PLA2R1: variants seen among roughly 807,000 people sequenced by gnomAD.
PLA2R1 encodes the protein phospholipase A2 receptor 1, also known as secretory phospholipase A2 receptor.
Under a neutral mutation model 195.9 loss-of-function variants are expected in PLA2R1, and 158 were observed. That is an observed-to-expected ratio of 0.81 (90% CI 0.71 to 0.92). PLA2R1 has a LOEUF of 0.92. Among genes scored for constraint, PLA2R1 ranks in the 40% least tolerant of loss-of-function variants. The pLI, the probability that PLA2R1 is intolerant of heterozygous loss-of-function variation, is 0.00. For missense variants in PLA2R1, 1,626 were observed against 1,764.6 expected, an observed-to-expected ratio of 0.92 and a Z score of 1.41; for synonymous variants, 586 against 598.2, an observed-to-expected ratio of 0.98 and a Z score of 0.30.
intron 1 of PLA2R1, among the ~76,000 whole-genome samples, chr2:160,059,263 C>A (rs151175443): frequency 0.01 from 1,530 of 152,298 alleles, 25 homozygotes; most frequent in African/African-American, 0.035. Flanking sequence ...TAACAGGCCA[C>A]AAACTGGTAG....
intron 11 of PLA2R1, 45 bp from the exon 12 acceptor site, chr2:159,987,403 G>T: frequency 7.2e-7 from 1 of 1,396,854 alleles, no homozygotes; most frequent in Non-Finnish European, 1.0e-6. Flanking sequence ...CGACTAAAAC[G>T]TTTTGTGCTC....
intron 12 of PLA2R1, 97 bp downstream of exon 12, chr2:159,987,057 GAA>G: frequency 4.7e-6 from 4 of 847,310 alleles, no homozygotes; most frequent in Non-Finnish European, 7.7e-6. Context: ...CACTGTTCTG[GAA>G]AAAAAAAGGG....
chr2:159,927,092 G>A (rs769458295), downstream of PLA2R1, among the ~76,000 whole-genome samples: 1 of 152,216 alleles, frequency 6.6e-6, no homozygotes, highest in South Asian at 2.1e-4. Flanking sequence ...GGGTAAAGAA[G>A]GGTGGAGTGT....
intron 6 of PLA2R1, among the ~76,000 whole-genome samples, chr2:160,023,713 T>C (rs1386574233): frequency 6.6e-6 from 1 of 152,198 alleles, no homozygotes; most frequent in Non-Finnish European, 1.5e-5. Flanking sequence ...AATTCTTTCT[T>C]GGGGTTTGGA....
rs1239748080 is a variant in PLA2R1, at chr2:160,033,131, G to A, written c.669C>T (p.Thr223=). 3 of 1,604,456 alleles carry A rather than the reference G, an allele frequency of 1.9e-6. No homozygotes were observed. The highest frequency in any genetic ancestry group is 1.7e-5 in the Admixed American group (1 of 57,654). The stretch of plus-strand genomic sequence containing the variant: ...TAGTATCACAACCTACTTCTGCAGA[G>A]GCTGGAAACAATGGCCATTAAAAAC... The part of the protein sequence containing the change: ...DEKWGFCPDP[T]SAEVGCDTIW... Residue 223 remains threonine (T), a splice_region_variant and synonymous_variant, in exon 4 of 30, where the codon ACC becomes ACT. Transcript: ENST00000283243.
chr2:160,052,964 A>G (rs896687880), intron 1 of PLA2R1, among the ~76,000 whole-genome samples: 2 of 152,248 alleles, frequency 1.3e-5, no homozygotes, highest in Non-Finnish European at 1.5e-5. Flanking sequence ...TTAGTGGTAG[A>G]TAGAGTGTTA....
At chr2:159,949,905 A>G (rs1687634245) in intron 24 of PLA2R1, 129 bp from the exon 25 acceptor site, 2 of 669,938 alleles carry the variant, frequency 3.0e-6, no homozygotes, top group Admixed American at 5.2e-5. Flanking sequence ...AGGGGCTAGG[A>G]CATCTGTGAA....
intron 8 of PLA2R1, 77 bp downstream of exon 8, chr2:160,020,029 A>C: frequency 1.8e-6 from 2 of 1,110,208 alleles, no homozygotes; most frequent in South Asian, 3.0e-5. Flanking sequence ...GGTCTCTGCC[A>C]CAGCCCAAAG....
chr2:159,966,186 T>A (rs538096445), intron 20 of PLA2R1, among the ~76,000 whole-genome samples: 1 of 152,220 alleles, frequency 6.6e-6, no homozygotes, highest in Non-Finnish European at 1.5e-5. Context: ...ATGTAGTATA[T>A]CCATACAATG....
chr2:159,976,298 T>C (rs1460753420), intron 16 of PLA2R1, 73 bp from the exon 17 acceptor site: 1 of 1,012,680 alleles, frequency 9.9e-7, no homozygotes, highest in Non-Finnish European at 1.5e-6. Context: ...AATTTGAGAT[T>C]TGGTCACTCA....
At chr2:159,945,468 G>A (rs1687329899) in intron 27 of PLA2R1, among the ~76,000 whole-genome samples, 1 of 152,096 alleles carries the variant, frequency 6.6e-6, no homozygotes, top group African/African-American at 2.4e-5. Flanking sequence ...TTGTTCTTGC[G>A]ATAATTACTG....
chr2:159,960,905 A>G (rs1436122076), intron 20 of PLA2R1, among the ~76,000 whole-genome samples: 1 of 152,222 alleles, frequency 6.6e-6, no homozygotes. Flanking sequence ...TTAATGGGAC[A>G]TAATATATTG....
rs538438222 is a variant in PLA2R1, at chr2:160,051,556, T to C, written c.110-6399A>G. Among the ~76,000 whole-genome samples, 71 of 152,342 alleles carry C rather than the reference T, an allele frequency of 4.7e-4. 1 individual carries two copies. The highest frequency in any genetic ancestry group is 3.4e-3 in the Middle Eastern group (1 of 294). On this transcript the variant is annotated intron_variant, in intron 1 of 29. Coordinates refer to ENST00000283243, the MANE Select transcript of PLA2R1 (RefSeq NM_007366.5). ...TCTCTCTTGAGATGTACTGACCTTTTCCAGCTTCACAAATTTGGGTTTGTC... is the reference window on the plus strand; with the variant it reads ...TCTCTCTTGAGATGTACTGACCTTTCCCAGCTTCACAAATTTGGGTTTGTC...
chr2:159,952,800 G>A (rs778544672), intron 23 of PLA2R1, among the ~76,000 whole-genome samples: 9 of 152,108 alleles, frequency 5.9e-5, no homozygotes, highest in Non-Finnish European at 1.3e-4. Context: ...TCCTCCTCCG[G>A]TCATACTCCC....
rs747495342 is a variant in PLA2R1 at position 159,969,298 on chromosome 2, T to G, written c.2722A>C (p.Asn908His). The change falls in exon 19 of 30, where the codon AAT (asparagine) becomes CAT (histidine). Residue 908 changes from asparagine to histidine, a missense_variant. Coordinates refer to ENST00000283243, the MANE Select transcript of PLA2R1 (RefSeq NM_007366.5). ...AAGCCACATCTCTGGCTCTGATTAT[T>G]CACAGTTCTTTCTCTTCCTGTGTCC... ...NWDTGRERTV[N>H]NQSQRCGFIS... is the part of the protein sequence containing the mutation. 1.9e-6 allele frequency: 3 copies of G among 1,608,284 alleles called. No individual in the cohort carries two copies. In the Admixed American group the frequency reaches 5.0e-5, roughly 27 times the overall value.
chr2:159,967,525 A>G lies in PLA2R1; in HGVS notation c.2904+14T>C. 6.2e-7 allele frequency: 1 copy of G among 1,607,784 alleles called. No individual in the cohort carries two copies. Among genetic ancestry groups the G allele is most frequent in the African/African-American group, 1.3e-5 (1 of 74,648 alleles). On this transcript the variant is annotated intron_variant, in intron 20 of 29. Coordinates refer to ENST00000283243, the MANE Select transcript of PLA2R1 (RefSeq NM_007366.5). ...AAAAGAGAAACAAAGGCAACTTTTG[A>G]AAAACAAGCTTACCTTATAGTTAAA... is the stretch of plus-strand genomic sequence containing the variant.
At chr2:160,051,427 C>G (rs1695205377) in intron 1 of PLA2R1, among the ~76,000 whole-genome samples, 1 of 152,226 alleles carries the variant, frequency 6.6e-6, no homozygotes, top group Admixed American at 6.5e-5. Flanking sequence ...TGACTCTGTC[C>G]ATTTCCTTGC....
At position 159,933,713 on chromosome 2, in the gene PLA2R1, G is replaced by A. The variant is rs1410568550; in HGVS notation, c.*8065C>T. On this transcript the variant is annotated 3_prime_UTR_variant, in exon 30 of 30. Transcript: ENST00000283243. ...AAATAAATGTTTACTGATCATAATTGTTTATTGATATATTTTAAGTGCTGT... is the reference window on the plus strand; with the variant it reads ...AAATAAATGTTTACTGATCATAATTATTTATTGATATATTTTAAGTGCTGT... 1.3e-5 allele frequency: 2 copies of A among 152,154 alleles called. No homozygotes were observed. Among genetic ancestry groups the A allele is most frequent in the Non-Finnish European group, 2.9e-5 (2 of 68,038 alleles). The allele number at this position is 152,154 out of a possible 1,614,324, so 9.4% of individuals were successfully genotyped here. A position where few individuals can be genotyped will look rare whatever the true frequency, so the allele number is the denominator to read the frequency against.
intron 11 of PLA2R1, among the ~76,000 whole-genome samples, chr2:160,000,942 G>T (rs1691545889): frequency 6.6e-6 from 1 of 151,952 alleles, no homozygotes; most frequent in African/African-American, 2.4e-5. Flanking sequence ...AATGATAAAA[G>T]GAAATATTAG....
Sources: gnomAD v4.1 joint callset for allele counts (sites outside exome capture counted in the v4.1 genomes callset) on GRCh38, gnomAD v4.1.1 for gene constraint, MANE v1.5 for transcripts, NCBI Gene and HGNC (gene_info 2026-07-23, HGNC 2026-07-21) for gene names.